Variants in AGMO observed in about 807,000 individuals in gnomAD.
The protein encoded by AGMO is glyceryl-ether monooxygenase.
In AGMO, 75 loss-of-function variants were observed where a neutral mutation model predicts 60.2. The ratio of observed to expected loss-of-function variants is 1.25; its 90% CI spans 1.03 to 1.51. The LOEUF is 1.51. Among genes scored for constraint, AGMO ranks in the 40% most tolerant of loss-of-function variants. The probability of loss-of-function intolerance (pLI) is 0.00; values close to 1 mark genes in which losing one functional copy is unlikely to be tolerated. For synonymous variants in AGMO, 261 were observed against 177.1 expected, an observed-to-expected ratio of 1.47 and a Z score of -3.76; for missense variants, 763 against 525.5, an observed-to-expected ratio of 1.45 and a Z score of -4.42.
chr7:15,162,117 T>TACA, the AGMO span, among the ~76,000 whole-genome samples: 1 of 152,076 alleles, frequency 6.6e-6, no homozygotes, highest in African/African-American at 2.4e-5. Flanking sequence ...CCCCTGTGCT[T>TACA]TGGCTCTCTC....
chr7:15,287,926 T>A (rs1784146058), intron 12 of AGMO, among the ~76,000 whole-genome samples: 1 of 152,232 alleles, frequency 6.6e-6, no homozygotes, highest in African/African-American at 2.4e-5. Context: ...ATAATTTTTA[T>A]TTTTCAGGTG....
Position 15,213,463 on chromosome 7 carries a change from C to A in AGMO, c.1264-12104G>T, listed in dbSNP as rs370943962. Among the ~76,000 whole-genome samples the A allele has an allele frequency of 2.5e-4, 38 of 151,798 alleles. 1 individual carries two copies. In the East Asian group the frequency reaches 6.8e-3, roughly 27 times the overall value. On this transcript the variant is annotated intron_variant, in intron 12 of 12. Coordinates refer to ENST00000342526, the MANE Select transcript of AGMO (RefSeq NM_001004320.2). ...AATATTAAAAAAATATAAATTTCCC[C>A]AGATAGCCTCCAGGAAAATTTAAAT...
chr7:15,408,979 A>T (rs4721435), intron 5 of AGMO, among the ~76,000 whole-genome samples: 14,694 of 151,366 alleles, frequency 0.097, 843 homozygotes, highest in South Asian at 0.15. Context: ...AAAGAAGAGA[A>T]AATGCAAAAA....
At position 15,390,883 on chromosome 7, in the gene AGMO, G is replaced by A; in HGVS notation, c.699C>T (p.Asp233=). Residue 233 remains aspartate, a synonymous_variant, in exon 7 of 13, where the codon GAC becomes GAT. Coordinates refer to ENST00000342526, the MANE Select transcript of AGMO (RefSeq NM_001004320.2). ...TAATAAGAACACCAGCATAATTTTT[G>A]TCTATGCAATAACGATTTCTGCCTA... ...VHHGRNRYCI[D]KNYAGVLIIW... is the part of the protein sequence containing the mutation. 1 of 1,602,470 alleles carries A rather than the reference G, an allele frequency of 6.2e-7. No homozygotes were observed. Among genetic ancestry groups the A allele is most frequent in the Non-Finnish European group, 8.5e-7 (1 of 1,173,700 alleles).
chr7:15,453,943 C>T (rs993879493), intron 3 of AGMO, among the ~76,000 whole-genome samples: 15 of 147,696 alleles, frequency 1.0e-4, no homozygotes, highest in African/African-American at 3.0e-4. Context: ...TATATAATAT[C>T]TATTATGTAA....
chr7:15,169,146 G>T, the AGMO span, among the ~76,000 whole-genome samples: 2,638 of 152,294 alleles, frequency 0.017, 70 homozygotes, highest in African/African-American at 0.06. Context: ...AAGGGAGGGA[G>T]ACCGAAGTCC....
intron 2 of AGMO, among the ~76,000 whole-genome samples, chr7:15,549,731 C>A (rs1255715228): frequency 2.7e-5 from 4 of 150,610 alleles, no homozygotes; most frequent in African/African-American, 7.3e-5. Context: ...GACTTTAACA[C>A]CTCACTGTCA....
chr7:15,356,428 G>GGTTT (rs1248895344), intron 12 of AGMO, among the ~76,000 whole-genome samples: 4 of 151,880 alleles, frequency 2.6e-5, no homozygotes, highest in Non-Finnish European at 4.4e-5. Context: ...ATATAGCATA[G>GGTTT]GAAACTATAT....
At chr7:15,462,304 T>C (rs928749445) in intron 3 of AGMO, among the ~76,000 whole-genome samples, 1 of 152,178 alleles carries the variant, frequency 6.6e-6, no homozygotes, top group East Asian at 1.9e-4. Context: ...CCTTCTAATT[T>C]ACTTGCTGCA....
chr7:15,296,500 G>C (rs1784412414), intron 12 of AGMO, among the ~76,000 whole-genome samples: 1 of 152,136 alleles, frequency 6.6e-6, no homozygotes, highest in South Asian at 2.1e-4. Context: ...CTTGCTCACA[G>C]TGCCATCCTT....
At chr7:15,231,197 G>GTA (rs1245576357) in intron 12 of AGMO, among the ~76,000 whole-genome samples, 2 of 152,150 alleles carry the variant, frequency 1.3e-5, no homozygotes, top group Non-Finnish European at 2.9e-5. Context: ...TCAGTGTGAT[G>GTA]GTTCTAGTAG....
At chr7:15,277,572 G>T (rs1358734076) in intron 12 of AGMO, among the ~76,000 whole-genome samples, 1 of 151,968 alleles carries the variant, frequency 6.6e-6, no homozygotes, top group East Asian at 1.9e-4. Context: ...TCCCTTGATG[G>T]TGAGACAATA....
At chr7:15,194,471 G>C in the AGMO span, among the ~76,000 whole-genome samples, 7,311 of 152,132 alleles carry the variant, frequency 0.048, 235 homozygotes, top group South Asian at 0.088. Context: ...CTCTGCAGTT[G>C]CATGTGTTAG....
intron 2 of AGMO, among the ~76,000 whole-genome samples, chr7:15,554,048 C>T (rs937249131): frequency 2.6e-5 from 4 of 152,014 alleles, no homozygotes; most frequent in Admixed American, 2.0e-4. Flanking sequence ...CATGGAGTGC[C>T]CACAACTAAA....
chr7:15,198,209 G>C (rs184518962), downstream of AGMO, among the ~76,000 whole-genome samples: 641 of 79,826 alleles, frequency 8.0e-3, 5 homozygotes, highest in African/African-American at 0.047. Flanking sequence ...GAGAGAGAGA[G>C]AGAGAGAGAG....
the AGMO span, among the ~76,000 whole-genome samples, chr7:15,155,912 C>T: frequency 6.6e-6 from 1 of 152,196 alleles, no homozygotes; most frequent in African/African-American, 2.4e-5. Context: ...CAAGGCTCAG[C>T]CCAGCACTCC....
At chr7:15,409,320 G>T (rs1403580893) in intron 5 of AGMO, among the ~76,000 whole-genome samples, 1 of 151,930 alleles carries the variant, frequency 6.6e-6, no homozygotes, top group Non-Finnish European at 1.5e-5. Flanking sequence ...TCAGTTCTTT[G>T]TGAACTCTGC....
Position 15,202,458 on chromosome 7 carries a change from C to CAAAAAAAAAAAAAAA in AGMO, c.1264-1114_1264-1100dup, listed in dbSNP as rs71004370. On this transcript the variant is annotated intron_variant, in intron 12 of 12. Coordinates refer to ENST00000342526, the MANE Select transcript of AGMO (RefSeq NM_001004320.2). ...CACCAACAACCAAAATACAAATGAGCAAAAAAAAAAAAAAAAAAAAAAAAA... is the reference window on the plus strand; with the variant it reads ...CACCAACAACCAAAATACAAATGAGCAAAAAAAAAAAAAAAAAAAAAAAAAAAAAAAAAAAAAAAA... Among the ~76,000 whole-genome samples, 64 of 45,364 alleles carry CAAAAAAAAAAAAAAA rather than the reference C, an allele frequency of 1.4e-3. 2 individuals carry two copies. The highest frequency in any genetic ancestry group is 1.9e-3 in the South Asian group (2 of 1,050). The allele number at this position is 45,364 out of a possible 152,430, so 29.8% of individuals were successfully genotyped here.
intron 12 of AGMO, among the ~76,000 whole-genome samples, chr7:15,272,167 T>C (rs1159980500): frequency 6.6e-6 from 1 of 151,970 alleles, no homozygotes; most frequent in Non-Finnish European, 1.5e-5. Context: ...AGTTCTAGGG[T>C]AAATGTGCAC....
Sources: gnomAD v4.1 joint callset for allele counts (sites outside exome capture counted in the v4.1 genomes callset) on GRCh38, gnomAD v4.1.1 for gene constraint, MANE v1.5 for transcripts, NCBI Gene and HGNC (gene_info 2026-07-23, HGNC 2026-07-21) for gene names.